Variants in PRKCH observed in about 807,000 individuals in gnomAD.
The protein encoded by PRKCH is protein kinase C eta type.
PRKCH carries 28 observed loss-of-function variants against 82.5 expected under a neutral mutation model. That is an observed-to-expected ratio of 0.34 (90% CI 0.25 to 0.47). The LOEUF (loss-of-function observed/expected upper bound fraction) is 0.47, where lower values mean the gene tolerates loss of function less well. Ranked by LOEUF, PRKCH falls within the 20% of genes least tolerant of loss-of-function variation. The probability of loss-of-function intolerance (pLI) is 1.00; values close to 1 mark genes in which losing one functional copy is unlikely to be tolerated. For missense variants in PRKCH, 705 were observed against 881.8 expected (o/e 0.80, Z 2.54); for synonymous variants, 322 against 327.4 (o/e 0.98, Z 0.18).
chr14:61,466,873 G>A (rs912618), intron 9 of PRKCH, among the ~76,000 whole-genome samples: 132,598 of 152,146 alleles, frequency 0.87, 59,819 homozygotes, highest in Non-Finnish European at 0.99. Flanking sequence ...ATAGCTTTCC[G>A]TAAGAAACCA....
intron 1 of PRKCH, among the ~76,000 whole-genome samples, chr14:61,220,575 G>A (rs1206115900): frequency 1.3e-5 from 2 of 152,208 alleles, no homozygotes; most frequent in Non-Finnish European, 2.9e-5. Flanking sequence ...TCATGGCACT[G>A]GACATAAAGG....
intron 2 of PRKCH, among the ~76,000 whole-genome samples, chr14:61,440,695 GA>G (rs1370984715): frequency 6.6e-6 from 1 of 152,058 alleles, no homozygotes; most frequent in African/African-American, 2.4e-5. Context: ...CCAACATGGT[GA>G]AACCCTGTCT....
At chr14:61,261,825 C>T (rs1181946846) in intron 1 of PRKCH, among the ~76,000 whole-genome samples, 1 of 152,104 alleles carries the variant, frequency 6.6e-6, no homozygotes, top group Non-Finnish European at 1.5e-5. Flanking sequence ...GGCAGTTTCT[C>T]ATAAAGATAA....
At chr14:61,415,598 T>C (rs1882507822) in intron 2 of PRKCH, among the ~76,000 whole-genome samples, 1 of 152,226 alleles carries the variant, frequency 6.6e-6, no homozygotes, top group Non-Finnish European at 1.5e-5. Flanking sequence ...CCTTTCCCTT[T>C]GGGTAGTGGA....
intron 1 of PRKCH, among the ~76,000 whole-genome samples, chr14:61,313,591 G>C (rs562077812): frequency 1.3e-5 from 2 of 152,066 alleles, no homozygotes; most frequent in Non-Finnish European, 2.9e-5. Flanking sequence ...TCATGCTGTT[G>C]ATAAAGACAT....
chr14:61,405,934 G>A (rs1881924514), intron 2 of PRKCH, among the ~76,000 whole-genome samples: 1 of 151,804 alleles, frequency 6.6e-6, no homozygotes, highest in South Asian at 2.1e-4. Context: ...ACTGAGAATA[G>A]GACCTTCAAA....
chr14:61,504,181 C>T (rs1052591729), intron 10 of PRKCH, among the ~76,000 whole-genome samples: 1 of 99,104 alleles, frequency 1.0e-5, no homozygotes, highest in Non-Finnish European at 2.1e-5. Context: ...CTCAGAGGCC[C>T]ATTTTGTTTA....
rs139819534 is a variant in PRKCH, at chr14:61,378,981, T to C, written c.364-12244T>C. 8.2e-4 allele frequency among the ~76,000 whole-genome samples: 125 copies of C among 152,340 alleles called. 1 individual carries two copies. Among genetic ancestry groups the C allele is most frequent in the African/African-American group, 2.8e-3 (115 of 41,574 alleles). On this transcript the variant is annotated intron_variant, in intron 1 of 13. Transcript: ENST00000332981. Reference sequence around the variant, plus strand: ...AACAGTTATGTATCGGGATCTGACATGTAGGTATGACCTTGTAACTTTCCT... The same window carrying C: ...AACAGTTATGTATCGGGATCTGACACGTAGGTATGACCTTGTAACTTTCCT...
intron 1 of PRKCH, among the ~76,000 whole-genome samples, chr14:61,234,691 C>A (rs1050863810): frequency 6.6e-5 from 10 of 152,210 alleles, no homozygotes; most frequent in African/African-American, 9.7e-5. Flanking sequence ...GTCAGCTGTC[C>A]AAATTCATGC....
chr14:61,326,578 A>G lies in PRKCH; in HGVS notation c.363+4114A>G, dbSNP rs564262693. ...TCACTTTAAGTATGTGCATGTTACT[A>G]TATGACAATTATACCTGAATAAAGC... On this transcript the variant is annotated intron_variant, in intron 1 of 13. Coordinates refer to ENST00000332981, the MANE Select transcript of PRKCH (RefSeq NM_006255.5). 5.9e-5 allele frequency among the ~76,000 whole-genome samples: 9 copies of G among 152,370 alleles called. No individual in the cohort carries two copies. The East Asian group carries it at 7.7e-4, about 13-fold the overall frequency.
At chr14:61,278,868 C>A (rs2045227502) in intron 1 of PRKCH, 1 of 151,906 alleles carries the variant, frequency 6.6e-6, no homozygotes, top group Admixed American at 6.6e-5. Flanking sequence ...TATGCTTTAA[C>A]ATTGATTCAA....
intron 2 of PRKCH, among the ~76,000 whole-genome samples, chr14:61,433,386 G>T (rs1161131105): frequency 6.6e-6 from 1 of 152,106 alleles, no homozygotes; most frequent in Non-Finnish European, 1.5e-5. Flanking sequence ...AAATCAAAAG[G>T]GAAATGGAAT....
intron 9 of PRKCH, among the ~76,000 whole-genome samples, chr14:61,478,131 A>G (rs2140320390): frequency 6.6e-6 from 1 of 152,388 alleles, no homozygotes; most frequent in Admixed American, 6.5e-5. Flanking sequence ...TGAGGATAAT[A>G]ATAGTTGCTA....
chr14:61,457,342 T>A (rs1210315722), intron 8 of PRKCH, 23 bp downstream of exon 8: 1 of 1,612,736 alleles, frequency 6.2e-7, no homozygotes. Flanking sequence ...TTTAACTGTT[T>A]GGGTTGAAGT....
At chr14:61,361,178 A>G (rs2046219873) in intron 1 of PRKCH, 1 of 152,142 alleles carries the variant, frequency 6.6e-6, no homozygotes, top group South Asian at 2.1e-4. Flanking sequence ...AGTAAGTTCT[A>G]ATATATTAAC....
chr14:61,465,400 A>C (rs1885209864), intron 9 of PRKCH, among the ~76,000 whole-genome samples: 1 of 152,168 alleles, frequency 6.6e-6, no homozygotes. Context: ...TGATTTTTTT[A>C]TGTGACGTGA....
intron 1 of PRKCH, among the ~76,000 whole-genome samples, chr14:61,262,613 G>A (rs1001386385): frequency 6.6e-6 from 1 of 152,130 alleles, no homozygotes; most frequent in Non-Finnish European, 1.5e-5. Context: ...TTTGAATCAT[G>A]GTTACGTTTG....
intron 10 of PRKCH, among the ~76,000 whole-genome samples, chr14:61,505,623 C>T (rs1332022663): frequency 6.6e-6 from 1 of 151,872 alleles, no homozygotes; most frequent in Non-Finnish European, 1.5e-5. Context: ...GATCCACCCG[C>T]CTTGGCCTGC....
chr14:61,225,512 T>C (rs1566786546), intron 1 of PRKCH, among the ~76,000 whole-genome samples: 1 of 152,184 alleles, frequency 6.6e-6, no homozygotes, highest in Non-Finnish European at 1.5e-5. Context: ...GAACACCCAC[T>C]CTGTCCTCTG....
Sources: gnomAD v4.1 joint callset for allele counts (sites outside exome capture counted in the v4.1 genomes callset) on GRCh38, gnomAD v4.1.1 for gene constraint, MANE v1.5 for transcripts, NCBI Gene and HGNC (gene_info 2026-07-23, HGNC 2026-07-21) for gene names.